STAB2: variants seen among roughly 807,000 people sequenced by gnomAD.
The protein encoded by STAB2 is stabilin 2.
Under a neutral mutation model 338.1 loss-of-function variants are expected in STAB2, and 288 were observed. The ratio of observed to expected loss-of-function variants is 0.85; its 90% confidence interval spans 0.77 to 0.94. The LOEUF is 0.94. Among genes scored for constraint, STAB2 ranks in the 40% least tolerant of loss-of-function variants. The pLI, the probability that STAB2 is intolerant of heterozygous loss-of-function variation, is 0.00. For synonymous variants in STAB2, 1,202 were observed against 1,193.3 expected, an observed-to-expected ratio of 1.01 and a Z score of -0.15; for missense variants, 3,141 against 3,210.1, an observed-to-expected ratio of 0.98 and a Z score of 0.52.
rs755723314 is a variant in STAB2, at chr12:103,750,728, T to C, written c.6580+8T>C. 6.2e-6 allele frequency: 10 copies of C among 1,609,004 alleles called. No homozygotes were observed. The highest frequency in any genetic ancestry group is 8.5e-6 in the Non-Finnish European group (10 of 1,176,092). Reference sequence around the variant, plus strand: ...TCGACCTCCACTTCCAGGGTTAGTGTGACCAGGGCCTATGGCCCAAAGCAC... The same window carrying C: ...TCGACCTCCACTTCCAGGGTTAGTGCGACCAGGGCCTATGGCCCAAAGCAC... On this transcript the variant is annotated splice_region_variant and intron_variant, in intron 60 of 68. Coordinates refer to ENST00000388887, the MANE Select transcript of STAB2 (RefSeq NM_017564.10).
At chr12:103,692,921 A>C (rs1427093525) in intron 31 of STAB2, 32 bp downstream of exon 31, 1 of 1,579,214 alleles carries the variant, frequency 6.3e-7, no homozygotes, top group South Asian at 1.1e-5. Flanking sequence ...TGCGTGCAGC[A>C]TCTCTTTTCC....
At position 103,589,722 on chromosome 12, in the gene STAB2, T is replaced by A. The variant is rs138561329; in HGVS notation, c.82-1175T>A. On this transcript the variant is annotated intron_variant, in intron 1 of 68. Transcript: ENST00000388887. ...TGGTGTGAAACAGGGTCTTGAAGGA[T>A]ATGGTTCAGCAGCCCAGTGAGAACA... Among the ~76,000 whole-genome samples, 562 of 152,288 alleles carry A rather than the reference T, an allele frequency of 3.7e-3. 6 individuals are homozygous for A. Among genetic ancestry groups the A allele is most frequent in the African/African-American group, 0.013 (544 of 41,546 alleles).
At chr12:103,687,588 A>C (rs557098647) in intron 27 of STAB2, among the ~76,000 whole-genome samples, 2 of 152,306 alleles carry the variant, frequency 1.3e-5, no homozygotes, top group East Asian at 3.9e-4. Flanking sequence ...AACTTACTGA[A>C]ATTACTGCAT....
chr12:103,684,876 T>C (rs1463290842), intron 26 of STAB2, 113 bp from the exon 27 acceptor site: 2 of 927,758 alleles, frequency 2.2e-6, no homozygotes, highest in South Asian at 1.5e-5. Context: ...TCTACCATCT[T>C]TCAGCCCCAA....
chr12:103,753,977 T>C (rs1295993274), intron 61 of STAB2, among the ~76,000 whole-genome samples: 1 of 152,230 alleles, frequency 6.6e-6, no homozygotes, highest in Non-Finnish European at 1.5e-5. Flanking sequence ...TGCTGCTCTC[T>C]TAACCTCTAA....
intron 2 of STAB2, chr12:103,592,296 ACACT>A (rs749700581): frequency 1.1e-4 from 16 of 152,204 alleles, no homozygotes; most frequent in Non-Finnish European, 2.1e-4. Flanking sequence ...GCAGCAGTTA[ACACT>A]CAATTGCCAA....
At chr12:103,676,862 T>G (rs1328540211) in intron 24 of STAB2, among the ~76,000 whole-genome samples, 1 of 152,194 alleles carries the variant, frequency 6.6e-6, no homozygotes, top group African/African-American at 2.4e-5. Context: ...TTCAGTAATT[T>G]CCTCTGGCTC....
intron 61 of STAB2, among the ~76,000 whole-genome samples, chr12:103,753,678 A>T (rs1883868040): frequency 6.6e-6 from 1 of 152,234 alleles, no homozygotes; most frequent in African/African-American, 2.4e-5. Flanking sequence ...CCCAGCCAAG[A>T]GGTGGCAGAT....
intron 3 of STAB2, among the ~76,000 whole-genome samples, chr12:103,618,490 G>A (rs1957246125): frequency 6.6e-6 from 1 of 152,196 alleles, no homozygotes; most frequent in Non-Finnish European, 1.5e-5. Context: ...TAAGACAACT[G>A]CATTTTTATT....
At position 103,703,154 on chromosome 12, in the gene STAB2, G is replaced by C. The variant is rs1157965825; in HGVS notation, c.3721G>C (p.Val1241Leu). The C allele has an allele frequency of 6.2e-7, 1 of 1,613,430 alleles. No individual in the cohort carries two copies. The highest frequency in any genetic ancestry group is 2.2e-5 in the East Asian group (1 of 44,872). ...SFFLHNDQLYVNEAPINYTNV... is the reference protein window; with the variant it reads ...SFFLHNDQLYLNEAPINYTNV... ...TTAACCCTGTTGTTCACAGCTCTATGTAAATGAGGCTCCAATAAACTACAC... is the reference window on the plus strand; with the variant it reads ...TTAACCCTGTTGTTCACAGCTCTATCTAAATGAGGCTCCAATAAACTACAC... The change falls in exon 35 of 69, where the codon GTA (valine) becomes CTA (leucine). Residue 1241 changes from valine to leucine, a missense_variant. By Grantham distance (32) the Val-to-Leu change is conservative. Coordinates refer to ENST00000388887, the MANE Select transcript of STAB2 (RefSeq NM_017564.10).
At position 103,763,526 on chromosome 12, in the gene STAB2, A is replaced by C. The variant is rs1402023909; in HGVS notation, c.7523A>C (p.Lys2508Thr). ...EEDINVAALG[K>T]QQPENISNPL... is the part of the protein sequence containing the mutation. The stretch of plus-strand genomic sequence containing the variant: ...GACATTAATGTTGCAGCTCTTGGCA[A>C]GCAGCAGCCTGAGAATATCTCGAAC... The change falls in exon 68 of 69, where the codon AAG (lysine) becomes ACG (threonine). Residue 2508 changes from lysine (K) to threonine (T), a missense_variant. Transcript: ENST00000388887. The C allele has an allele frequency of 6.2e-7, 1 of 1,614,130 alleles. No individual in the cohort carries two copies. Among genetic ancestry groups the C allele is most frequent in the South Asian group, 1.1e-5 (1 of 91,078 alleles).
chr12:103,690,133 T>C, intron 29 of STAB2, 151 bp downstream of exon 29: 1 of 1,183,950 alleles, frequency 8.4e-7, no homozygotes, highest in Non-Finnish European at 1.2e-6. Flanking sequence ...CCCAGGATAG[T>C]AATAGTCAAC....
chr12:103,591,640 G>T (rs2138528576), intron 2 of STAB2, among the ~76,000 whole-genome samples: 1 of 152,222 alleles, frequency 6.6e-6, no homozygotes, highest in Admixed American at 6.5e-5. Context: ...TGTGTTAAAA[G>T]CCTTGAGTGT....
Position 103,692,867 on chromosome 12 carries a change from G to A in STAB2, c.3353G>A (p.Gly1118Glu). Residue 1118 changes from glycine (G) to glutamate (E), a missense_variant, in exon 31 of 69, where the codon GGA (glycine) becomes GAA (glutamate). Coordinates refer to ENST00000388887, the MANE Select transcript of STAB2 (RefSeq NM_017564.10). ...GATGGGGACAACGCAGCCACAAATG[G>A]AGTGATACACATCATCAACAAGGTA... ...IVDGDNAATNGVIHIINKVLV... is the reference protein window; with the variant it reads ...IVDGDNAATNEVIHIINKVLV... The A allele has an allele frequency of 6.2e-7, 1 of 1,613,592 alleles. No individual in the cohort carries two copies.
intron 3 of STAB2, among the ~76,000 whole-genome samples, chr12:103,613,351 G>A (rs538490767): frequency 1.2e-3 from 185 of 152,272 alleles, no homozygotes; most frequent in African/African-American, 4.2e-3. Flanking sequence ...CGAGCTTCCC[G>A]GCCACTTTGT....
chr12:103,697,956 A>G (rs11111716), intron 33 of STAB2, among the ~76,000 whole-genome samples: 65,378 of 151,966 alleles, frequency 0.43, 14,173 homozygotes, highest in East Asian at 0.58. Context: ...CCAGACCTCC[A>G]GGAGCAGGCA....
At chr12:103,589,548 C>A (rs1956764208) in intron 1 of STAB2, among the ~76,000 whole-genome samples, 1 of 152,150 alleles carries the variant, frequency 6.6e-6, no homozygotes, top group African/African-American at 2.4e-5. Context: ...AGCATGTTGG[C>A]ACAGCATATT....
In STAB2 at chr12:103,749,048, C is replaced by G. The variant is rs771183888; in HGVS notation, c.6330C>G (p.Cys2110Trp). The change falls in exon 59 of 69, where the codon TGC becomes TGG. Residue 2110 changes from cysteine (C) to tryptophan (W), a missense_variant. Physicochemically the swap from Cys to Trp is radical, Grantham distance 215 (BLOSUM62 -2). Transcript: ENST00000388887. ...SQKGTKVSCS[C>W]QKGYKGDGHS... ...AGGGCACGAAGGTCTCCTGCAGCTG[C>G]CAGAAGGGATACAAAGGGGACGGGC... 3 of 1,613,972 alleles carry G rather than the reference C, an allele frequency of 1.9e-6. No homozygotes were observed. The highest frequency in any genetic ancestry group is 1.7e-5 in the Admixed American group (1 of 59,994).
intron 8 of STAB2, among the ~76,000 whole-genome samples, chr12:103,639,724 A>AC (rs1329640747): frequency 1.3e-5 from 2 of 151,746 alleles, no homozygotes; most frequent in African/African-American, 4.8e-5. Context: ...AAAAAAAAAA[A>AC]AACACTTGTT....
Sources: gnomAD v4.1 joint callset for allele counts (sites outside exome capture counted in the v4.1 genomes callset) on GRCh38, gnomAD v4.1.1 for gene constraint, MANE v1.5 for transcripts, NCBI Gene and HGNC (gene_info 2026-07-23, HGNC 2026-07-21) for gene names.